ERC2: variants seen among roughly 807,000 people sequenced by gnomAD.
The protein encoded by ERC2 is ELKS/RAB6-interacting/CAST family member 2.
A neutral mutation model predicts 114.8 loss-of-function variants in ERC2; 42 were observed. The ratio of observed to expected loss-of-function variants is 0.37; its 90% confidence interval spans 0.29 to 0.47. The LOEUF (loss-of-function observed/expected upper bound fraction) is 0.47. Among genes scored for constraint, ERC2 ranks in the 20% least tolerant of loss-of-function variants. The probability of loss-of-function intolerance (pLI) is 0.99; values close to 1 mark genes in which losing one functional copy is unlikely to be tolerated. For missense variants in ERC2, 939 were observed against 1,150.7 expected, an observed-to-expected ratio of 0.82 and a Z score of 2.66; for synonymous variants, 454 against 425.5, an observed-to-expected ratio of 1.07 and a Z score of -0.82.
In ERC2 at chr3:55,579,394, A is replaced by T. The variant is rs539063882; in HGVS notation, c.*40-68118T>A. 5.3e-5 allele frequency among the ~76,000 whole-genome samples: 8 copies of T among 152,324 alleles called. No individual in the cohort carries two copies. The South Asian group carries it at 1.5e-3, about 28-fold the overall frequency. ...GACAAGGTTGTATTCTGGGTTAGAC[A>T]AGTTACAACAGGCATCTGCTATATG... On this transcript the variant is annotated intron_variant, in intron 17 of 17. Transcript: ENST00000288221.
chr3:56,420,778 T>C (rs2061358240), intron 2 of ERC2, among the ~76,000 whole-genome samples: 1 of 151,194 alleles, frequency 6.6e-6, no homozygotes, highest in Non-Finnish European at 1.5e-5. Context: ...CCTGTAGTCC[T>C]GGCTACTCGG....
At chr3:55,513,835 A>G (rs2052289544) in intron 17 of ERC2, among the ~76,000 whole-genome samples, 1 of 151,846 alleles carries the variant, frequency 6.6e-6, no homozygotes, top group South Asian at 2.1e-4. Flanking sequence ...TGTTCTCACT[A>G]TGTTGCCCAG....
rs1045923678 is a variant in ERC2 at position 56,249,776 on chromosome 3, T to C, written c.1074+46243A>G. Among the ~76,000 whole-genome samples, 4 of 152,070 alleles carry C rather than the reference T, an allele frequency of 2.6e-5. No homozygotes were observed. The East Asian group carries it at 7.7e-4, about 29-fold the overall frequency. ...AATGCCTGCAACAGTAAGTGCTCAA[T>C]ATGTATTAACTAAGATTAGTATCCA... On this transcript the variant is annotated intron_variant, in intron 3 of 17. Coordinates refer to ENST00000288221, the MANE Select transcript of ERC2 (RefSeq NM_015576.3).
intron 2 of ERC2, among the ~76,000 whole-genome samples, chr3:56,338,115 C>T (rs777498643): frequency 4.6e-5 from 7 of 152,066 alleles, no homozygotes; most frequent in Admixed American, 6.5e-5. Flanking sequence ...TAAAGAAAAA[C>T]AAGGAAGATT....
intron 17 of ERC2, among the ~76,000 whole-genome samples, chr3:55,542,634 G>A (rs144200292): frequency 6.6e-6 from 1 of 152,260 alleles, no homozygotes; most frequent in African/African-American, 2.4e-5. Context: ...ATGAAAAGAT[G>A]GGACAGATCT....
chr3:56,069,023 G>T (rs766103216), intron 7 of ERC2, among the ~76,000 whole-genome samples: 18 of 152,168 alleles, frequency 1.2e-4, no homozygotes, highest in Non-Finnish European at 1.3e-4. Context: ...TGTTGTTTTG[G>T]GGTGGAGAGT....
intron 13 of ERC2, among the ~76,000 whole-genome samples, chr3:55,938,248 T>C (rs1337210260): frequency 2.7e-5 from 4 of 150,730 alleles, no homozygotes; most frequent in Non-Finnish European, 5.9e-5. Flanking sequence ...TAGAGCTATG[T>C]CCTTATTTTT....
chr3:55,672,503 C>T (rs2061604359), intron 17 of ERC2, among the ~76,000 whole-genome samples: 1 of 152,114 alleles, frequency 6.6e-6, no homozygotes, highest in South Asian at 2.1e-4. Flanking sequence ...CTGGACAAAC[C>T]TCCTTTTCTT....
At chr3:56,443,591 C>T (rs1236287705) in intron 1 of ERC2, among the ~76,000 whole-genome samples, 1 of 152,078 alleles carries the variant, frequency 6.6e-6, no homozygotes, top group African/African-American at 2.4e-5. Context: ...CTCGCACCCT[C>T]CCCCATGCCC....
intron 15 of ERC2, among the ~76,000 whole-genome samples, chr3:55,707,662 A>C (rs1454048596): frequency 6.6e-6 from 1 of 152,244 alleles, no homozygotes; most frequent in Non-Finnish European, 1.5e-5. Context: ...AACATAAAAA[A>C]TAATAACCAA....
chr3:56,373,817 T>C (rs936523142), intron 2 of ERC2, among the ~76,000 whole-genome samples: 2 of 152,236 alleles, frequency 1.3e-5, no homozygotes, highest in East Asian at 1.9e-4. Context: ...ATAAATTTTA[T>C]TTATGGACAT....
chr3:56,059,087 T>A (rs766949979), intron 7 of ERC2, among the ~76,000 whole-genome samples: 45 of 93,536 alleles, frequency 4.8e-4, no homozygotes, highest in African/African-American at 1.4e-3. Flanking sequence ...ATCTTTTTTT[T>A]ATTTTTTTTA....
intron 9 of ERC2, among the ~76,000 whole-genome samples, chr3:56,009,065 T>C (rs2072717720): frequency 6.6e-6 from 1 of 152,230 alleles, no homozygotes; most frequent in African/African-American, 2.4e-5. Context: ...CCAAAATGTC[T>C]ATCTGAAAGT....
chr3:55,732,965 T>C (rs1369958337), intron 15 of ERC2, among the ~76,000 whole-genome samples: 1 of 152,136 alleles, frequency 6.6e-6, no homozygotes, highest in Non-Finnish European at 1.5e-5. Flanking sequence ...CGGGGGCAAG[T>C]GTCTCCTTAG....
chr3:55,929,147 A>G (rs2065924898), intron 13 of ERC2, among the ~76,000 whole-genome samples: 1 of 151,972 alleles, frequency 6.6e-6, no homozygotes, highest in Admixed American at 6.6e-5. Flanking sequence ...TTTTCTATCT[A>G]CTGATTGCTG....
At chr3:56,072,673 A>G (rs1043119843) in intron 7 of ERC2, among the ~76,000 whole-genome samples, 2 of 152,232 alleles carry the variant, frequency 1.3e-5, no homozygotes, top group African/African-American at 4.8e-5. Context: ...ATATAGAAAT[A>G]AGATTTTCAA....
chr3:55,592,680 C>T (rs1164181485), intron 17 of ERC2, among the ~76,000 whole-genome samples: 3 of 152,120 alleles, frequency 2.0e-5, no homozygotes, highest in East Asian at 3.9e-4. Flanking sequence ...CATCTTGGAT[C>T]CTTGGATCAG....
Position 56,311,745 on chromosome 3 carries a change from C to T in ERC2, c.658-15310G>A, listed in dbSNP as rs186338027. Among the ~76,000 whole-genome samples, 37 of 151,902 alleles carry T rather than the reference C, an allele frequency of 2.4e-4. No individual in the cohort carries two copies. In the East Asian group the frequency reaches 6.8e-3, roughly 28 times the overall value. ...TTCTATCAAACCATGTATTTTTACC[C>T]GTTAATCAACTCTACCAAGATACCT... is the stretch of plus-strand genomic sequence containing the variant. On this transcript the variant is annotated intron_variant, in intron 2 of 17. Coordinates refer to ENST00000288221, the MANE Select transcript of ERC2 (RefSeq NM_015576.3).
At chr3:56,105,710 T>C (rs2078617621) in intron 6 of ERC2, among the ~76,000 whole-genome samples, 1 of 152,098 alleles carries the variant, frequency 6.6e-6, no homozygotes, top group Admixed American at 6.5e-5. Flanking sequence ...AGGGAGAAGT[T>C]AGGAGGCATC....
Sources: gnomAD v4.1 joint callset for allele counts (sites outside exome capture counted in the v4.1 genomes callset) on GRCh38, gnomAD v4.1.1 for gene constraint, MANE v1.5 for transcripts, NCBI Gene and HGNC (gene_info 2026-07-23, HGNC 2026-07-21) for gene names.